WDR19: variants seen among roughly 807,000 people sequenced by gnomAD.
The protein encoded by WDR19 is WD repeat-containing protein 19.
A neutral mutation model predicts 180.0 loss-of-function variants in WDR19; 121 were observed. The observed-to-expected ratio is 0.67, with a 90% confidence interval of 0.58 to 0.78. The LOEUF (loss-of-function observed/expected upper bound fraction) is 0.78. Among genes scored for constraint, WDR19 ranks in the 30% least tolerant of loss-of-function variants. The probability of loss-of-function intolerance (pLI) is 0.00; values close to 1 mark genes in which losing one functional copy is unlikely to be tolerated. For missense variants in WDR19, 1,450 were observed against 1,640.7 expected (o/e 0.88, Z 2.01); for synonymous variants, 497 against 540.7 (o/e 0.92, Z 1.12).
At chr4:39,219,493 A>G (rs865797832) in intron 14 of WDR19, among the ~76,000 whole-genome samples, 5 of 152,332 alleles carry the variant, frequency 3.3e-5, no homozygotes, top group Middle Eastern at 3.4e-3. Flanking sequence ...GTGATTTTTA[A>G]GCAATTTTGA....
chr4:39,229,857 A>T (rs1316251381), intron 17 of WDR19, among the ~76,000 whole-genome samples: 1 of 152,132 alleles, frequency 6.6e-6, no homozygotes, highest in Non-Finnish European at 1.5e-5. Context: ...GAACTCATCA[A>T]TTTCCACAGG....
intron 32 of WDR19, 120 bp downstream of exon 32, chr4:39,273,181 A>G: frequency 1.4e-6 from 1 of 721,428 alleles, no homozygotes; most frequent in Non-Finnish European, 2.3e-6. Context: ...CAGCAGCTCC[A>G]TGAAGTGGTA....
chr4:39,246,515 T>C (rs1045247981), intron 24 of WDR19, among the ~76,000 whole-genome samples: 5 of 152,186 alleles, frequency 3.3e-5, no homozygotes, highest in Admixed American at 6.5e-5. Flanking sequence ...TGCAGGACAG[T>C]GGGTGCAGCG....
rs192144029 is a variant in WDR19 at position 39,247,446 on chromosome 4, G to T, written c.2729+1994G>T. 3.9e-5 allele frequency among the ~76,000 whole-genome samples: 6 copies of T among 152,288 alleles called. No homozygotes were observed. In the East Asian group the frequency reaches 1.2e-3, roughly 29 times the overall value. On this transcript the variant is annotated intron_variant, in intron 24 of 36. Coordinates refer to ENST00000399820, the MANE Select transcript of WDR19 (RefSeq NM_025132.4). The stretch of plus-strand genomic sequence containing the variant: ...AACCGGAAACTCTAAAAATCAGAGC[G>T]CCTCTCCTCCTCCAAAGGAACGCAG...
chr4:39,264,762 T>C (rs1734616658), intron 28 of WDR19, among the ~76,000 whole-genome samples: 1 of 152,152 alleles, frequency 6.6e-6, no homozygotes, highest in African/African-American at 2.4e-5. Context: ...AGCCTCCTAA[T>C]TTTGTCAGTA....
intron 21 of WDR19, among the ~76,000 whole-genome samples, chr4:39,240,826 C>G (rs925476709): frequency 6.6e-6 from 1 of 151,532 alleles, no homozygotes; most frequent in Admixed American, 6.6e-5. Context: ...CGTGGTGGTG[C>G]ACGCCTGTAG....
intron 1 of WDR19, among the ~76,000 whole-genome samples, chr4:39,185,045 C>T (rs1160853114): frequency 6.6e-6 from 1 of 152,016 alleles, no homozygotes; most frequent in Non-Finnish European, 1.5e-5. Context: ...CATTCTTTTT[C>T]CAGTTGTTGA....
intron 15 of WDR19, among the ~76,000 whole-genome samples, chr4:39,227,459 G>A (rs895432867): frequency 3.9e-5 from 6 of 152,168 alleles, no homozygotes; most frequent in African/African-American, 1.4e-4. Flanking sequence ...AATATTCAGG[G>A]GAAAAATGGA....
chr4:39,247,766 G>T (rs1374274975), intron 24 of WDR19, among the ~76,000 whole-genome samples: 1 of 152,114 alleles, frequency 6.6e-6, no homozygotes, highest in East Asian at 1.9e-4. Flanking sequence ...GATGGAAGAC[G>T]AAATGAATGA....
At chr4:39,208,829 GT>G (rs542150502) in intron 9 of WDR19, among the ~76,000 whole-genome samples, 220 of 152,304 alleles carry the variant, frequency 1.4e-3, no homozygotes, top group Middle Eastern at 3.4e-3. Context: ...ATGGGAGGAT[GT>G]GTATAGGTTA....
chr4:39,272,909 T>C (rs1284341666), intron 31 of WDR19, 71 bp from the exon 32 acceptor site: 1 of 1,298,868 alleles, frequency 7.7e-7, no homozygotes, highest in Non-Finnish European at 1.1e-6. Context: ...AGTTGTTTAT[T>C]TGGGGGAACA....
At chr4:39,285,077 A>AG (rs1337744960) in intron 36 of WDR19, among the ~76,000 whole-genome samples, 269 of 96,758 alleles carry the variant, frequency 2.8e-3, no homozygotes, top group Non-Finnish European at 4.2e-3. Flanking sequence ...GAAAAAAAAA[A>AG]AGACACACAC....
intron 14 of WDR19, 112 bp from the exon 15 acceptor site, chr4:39,224,772 A>C: frequency 5.2e-6 from 5 of 961,580 alleles, no homozygotes; most frequent in Non-Finnish European, 6.0e-6. Flanking sequence ...TTCATCAAAA[A>C]CATGACATTT....
At chr4:39,275,332 C>A (rs1306957663) in intron 33 of WDR19, 2 of 224,028 alleles carry the variant, frequency 8.9e-6, no homozygotes, top group Non-Finnish European at 1.8e-5. Context: ...AGAGTGAGAC[C>A]CCATCTCAAA....
chr4:39,274,096 T>C (rs537935848), intron 32 of WDR19: 2 of 152,244 alleles, frequency 1.3e-5, no homozygotes, highest in Non-Finnish European at 2.9e-5. Flanking sequence ...ACTTTTAACA[T>C]GTCACAAAAA....
intron 35 of WDR19, 48 bp downstream of exon 35, chr4:39,278,255 G>T: frequency 1.3e-6 from 2 of 1,484,906 alleles, no homozygotes; most frequent in Admixed American, 2.2e-5. Context: ...TCCCGACACA[G>T]GCCTTTCATT....
At chr4:39,225,097 A>G in intron 15 of WDR19, 64 bp downstream of exon 15, 1 of 1,347,664 alleles carries the variant, frequency 7.4e-7, no homozygotes, top group Non-Finnish European at 9.8e-7. Flanking sequence ...AAAAGTGTTT[A>G]AAGCCTATCT....
At chr4:39,239,965 G>C (rs576218311) in intron 20 of WDR19, among the ~76,000 whole-genome samples, 1 of 152,218 alleles carries the variant, frequency 6.6e-6, no homozygotes, top group South Asian at 2.1e-4. Flanking sequence ...TTGAGTCCAA[G>C]AGTTCAAGAC....
intron 16 of WDR19, 28 bp from the exon 17 acceptor site, chr4:39,228,458 G>C (rs1170231786): frequency 6.2e-7 from 1 of 1,611,102 alleles, no homozygotes; most frequent in Admixed American, 1.7e-5. Flanking sequence ...TTAGCTTTCA[G>C]CATTGCGATG....
Sources: gnomAD v4.1 joint callset for allele counts (sites outside exome capture counted in the v4.1 genomes callset) on GRCh38, gnomAD v4.1.1 for gene constraint, MANE v1.5 for transcripts, NCBI Gene and HGNC (gene_info 2026-07-23, HGNC 2026-07-21) for gene names.